COL4A4: variants seen among roughly 807,000 people sequenced by gnomAD.
COL4A4 encodes the protein collagen type IV alpha 4 chain, also known as collagen alpha-4(IV) chain.
Under a neutral mutation model 192.9 loss-of-function variants are expected in COL4A4, and 105 were observed. That is an observed-to-expected ratio of 0.54 (90% CI 0.46 to 0.64). COL4A4 has a LOEUF of 0.64. Ranked by LOEUF, COL4A4 falls within the 30% of genes least tolerant of loss-of-function variation. COL4A4 has a pLI of 0.00. For synonymous variants in COL4A4, 762 were observed against 769.9 expected (o/e 0.99, Z 0.17); for missense variants, 1,967 against 2,169.3 (o/e 0.91, Z 1.85).
chr2:227,091,858 T>C (rs1011961115), intron 20 of COL4A4, among the ~76,000 whole-genome samples: 10 of 150,802 alleles, frequency 6.6e-5, no homozygotes, highest in East Asian at 1.9e-4. Context: ...ATTGCATCAC[T>C]GCACTCCAGC....
intron 1 of COL4A4, among the ~76,000 whole-genome samples, chr2:227,158,091 G>T (rs1394365303): frequency 6.6e-6 from 1 of 152,108 alleles, no homozygotes; most frequent in Non-Finnish European, 1.5e-5. Flanking sequence ...CAACAAAGTT[G>T]AAGGACTTAC....
chr2:227,156,063 G>GAA (rs35507484), intron 1 of COL4A4, among the ~76,000 whole-genome samples: 16 of 147,632 alleles, frequency 1.1e-4, no homozygotes, highest in South Asian at 2.1e-4. Context: ...TGCCATGGAG[G>GAA]AAAAAAAAAA....
chr2:227,090,097 T>A (rs2059833405), intron 20 of COL4A4, 140 bp from the exon 21 acceptor site: 1 of 637,404 alleles, frequency 1.6e-6, no homozygotes, highest in Non-Finnish European at 2.8e-6. Flanking sequence ...CTTGTTTTCC[T>A]AGGATTCTTT....
chr2:226,984,808 G>C, the COL4A4 span, among the ~76,000 whole-genome samples: 1 of 151,852 alleles, frequency 6.6e-6, no homozygotes, highest in Non-Finnish European at 1.5e-5. Flanking sequence ...GTCAAACCAA[G>C]TTCTGAGTGT....
At chr2:227,083,853 G>T (rs565390791) in intron 22 of COL4A4, among the ~76,000 whole-genome samples, 19 of 152,238 alleles carry the variant, frequency 1.2e-4, no homozygotes, top group Non-Finnish European at 2.4e-4. Context: ...GGGGAGGAGG[G>T]TACCAGTGGA....
intron 37 of COL4A4, among the ~76,000 whole-genome samples, chr2:227,039,703 T>A (rs963180799): frequency 6.6e-6 from 1 of 152,178 alleles, no homozygotes; most frequent in African/African-American, 2.4e-5. Flanking sequence ...ACAAATGTTT[T>A]CTTTTGGTTC....
At chr2:227,143,750 A>G (rs1031287404) in intron 3 of COL4A4, among the ~76,000 whole-genome samples, 2 of 152,230 alleles carry the variant, frequency 1.3e-5, no homozygotes, top group Non-Finnish European at 2.9e-5. Context: ...ATGCATGTCA[A>G]CAAAGTCGGG....
chr2:226,992,831 G>T, the COL4A4 span, among the ~76,000 whole-genome samples: 1 of 152,192 alleles, frequency 6.6e-6, no homozygotes, highest in Non-Finnish European at 1.5e-5. Context: ...GACTCAGAAG[G>T]TTCGCTGTTC....
chr2:227,153,011 A>T (rs111630251), intron 1 of COL4A4, among the ~76,000 whole-genome samples: 8 of 152,234 alleles, frequency 5.3e-5, no homozygotes, highest in Non-Finnish European at 1.2e-4. Context: ...AGGCCTCACA[A>T]TCATGATGGA....
In COL4A4 at chr2:227,104,061, A is replaced by G. The variant is rs530821863; in HGVS notation, c.736-9T>C. The G allele has an allele frequency of 8.7e-6, 14 of 1,610,844 alleles. No homozygotes were observed. In the East Asian group the frequency reaches 2.9e-4, roughly 33 times the overall value. ...TGCTGACCAACCTCACCCTTAAAAAAAAAAGCAAGATAATGAAAATTTCAT... is the reference window on the plus strand; with the variant it reads ...TGCTGACCAACCTCACCCTTAAAAAGAAAAGCAAGATAATGAAAATTTCAT... On this transcript the variant is annotated splice_polypyrimidine_tract_variant and intron_variant, in intron 12 of 47. Coordinates refer to ENST00000396625, the MANE Select transcript of COL4A4 (RefSeq NM_000092.5).
At chr2:226,974,850 G>A in the COL4A4 span, among the ~76,000 whole-genome samples, 2 of 152,156 alleles carry the variant, frequency 1.3e-5, no homozygotes, top group East Asian at 3.9e-4. Flanking sequence ...CTCTTTTCAG[G>A]TACCTCGCCA....
intron 4 of COL4A4, among the ~76,000 whole-genome samples, chr2:227,132,557 C>G (rs1480717745): frequency 1.3e-5 from 2 of 152,204 alleles, no homozygotes; most frequent in African/African-American, 2.4e-5. Flanking sequence ...GGGCAGATCT[C>G]TTGAGGCCAG....
Position 227,059,626 on chromosome 2 carries a change from A to AT in COL4A4, c.2165-4dup, listed in dbSNP as rs1976377119. On this transcript the variant is annotated splice_polypyrimidine_tract_variant and splice_region_variant and intron_variant, in intron 27 of 47. Coordinates refer to ENST00000396625, the MANE Select transcript of COL4A4 (RefSeq NM_000092.5). ...ATCTCCCATGTCACCACGAAAACCT[A>AT]TTTAACAACAAAAAAAAATTTTTAA... The AT allele has an allele frequency of 1.2e-6, 2 of 1,612,374 alleles. No individual in the cohort carries two copies.
chr2:227,090,728 G>A (rs1248045280), intron 20 of COL4A4, among the ~76,000 whole-genome samples: 1 of 151,116 alleles, frequency 6.6e-6, no homozygotes, highest in Non-Finnish European at 1.5e-5. Context: ...CTCCAGCCTG[G>A]GCAACAGAAT....
chr2:227,102,439 CT>C (rs1232295541), intron 15 of COL4A4, among the ~76,000 whole-genome samples: 1 of 152,154 alleles, frequency 6.6e-6, no homozygotes, highest in Non-Finnish European at 1.5e-5. Context: ...TAATATTGTA[CT>C]TTTTTTCTAG....
chr2:227,071,328 A>T (rs2058710021), intron 25 of COL4A4, among the ~76,000 whole-genome samples: 1 of 152,190 alleles, frequency 6.6e-6, no homozygotes, highest in African/African-American at 2.4e-5. Context: ...TGTAATGATA[A>T]AACGATCAAC....
Position 227,041,776 on chromosome 2 carries a change from AAGGAAGGAAGGGAAAGAAAGAAAGAAAGG to A in COL4A4, c.3505+343_3505+371del, listed in dbSNP as rs1559475927. 4.5e-4 allele frequency among the ~76,000 whole-genome samples: 31 copies of A among 68,664 alleles called. 1 individual carries two copies. Among genetic ancestry groups the A allele is most frequent in the East Asian group, 2.6e-3 (5 of 1,904 alleles). The allele number at this position is 68,664 out of a possible 152,430, so 45.0% of individuals were successfully genotyped here. A position where few individuals can be genotyped will look rare whatever the true frequency, so the allele number is the denominator to read the frequency against. On this transcript the variant is annotated intron_variant, in intron 37 of 47. Coordinates refer to ENST00000396625, the MANE Select transcript of COL4A4 (RefSeq NM_000092.5). ...GAAGGAAGGAAGGAAGGAAGGAAGGAAGGAAGGAAGGGAAAGAAAGAAAGAAAGGAAGAAAGAAAGAAAGAAAGAAAGAA... is the reference window on the plus strand; with the variant it reads ...GAAGGAAGGAAGGAAGGAAGGAAGGAAAGAAAGAAAGAAAGAAAGAAAGAA...
At chr2:226,982,505 A>G in the COL4A4 span, among the ~76,000 whole-genome samples, 2 of 152,262 alleles carry the variant, frequency 1.3e-5, no homozygotes, top group Admixed American at 1.3e-4. Context: ...TTCAGCATCA[A>G]TAGATGTAAT....
Position 227,114,616 on chromosome 2 carries a change from C to A in COL4A4, c.558+12G>T. 1 of 1,612,154 alleles carries A rather than the reference C, an allele frequency of 6.2e-7. No homozygotes were observed. Among genetic ancestry groups the A allele is most frequent in the Non-Finnish European group, 8.5e-7 (1 of 1,178,186 alleles). ...AAAAAATTTTTTAACCCATCATGAT[C>A]ATAATACTTACCTGAATACCTTTAA... is the stretch of plus-strand genomic sequence containing the variant. On this transcript the variant is annotated intron_variant, in intron 8 of 47. Transcript: ENST00000396625.
Sources: gnomAD v4.1 joint callset for allele counts (sites outside exome capture counted in the v4.1 genomes callset) on GRCh38, gnomAD v4.1.1 for gene constraint, MANE v1.5 for transcripts, NCBI Gene and HGNC (gene_info 2026-07-23, HGNC 2026-07-21) for gene names.